The following RARB variants were observed in gnomAD, a reference collection of about 807,000 sequenced individuals.
RARB encodes the protein retinoic acid receptor beta.
A neutral mutation model predicts 51.9 loss-of-function variants in RARB; 17 were observed. That is an observed-to-expected ratio of 0.33 (90% CI 0.22 to 0.49). RARB has a LOEUF of 0.49. Among genes scored for constraint, RARB ranks in the 20% least tolerant of loss-of-function variants. The probability of loss-of-function intolerance (pLI) is 0.99; values close to 1 mark genes in which losing one functional copy is unlikely to be tolerated. For missense variants in RARB, 369 were observed against 550.8 expected, an observed-to-expected ratio of 0.67 and a Z score of 3.30; for synonymous variants, 215 against 195.4, an observed-to-expected ratio of 1.10 and a Z score of -0.84.
At chr3:25,592,341 T>TTGAAAAA (rs1404353012) in intron 5 of RARB, among the ~76,000 whole-genome samples, 1 of 152,216 alleles carries the variant, frequency 6.6e-6, no homozygotes, top group Non-Finnish European at 1.5e-5. Flanking sequence ...CCTCCTGAGT[T>TTGAAAAA]ATTCACTTTT....
chr3:25,209,224 G>C (rs190900567), intron 5 of RARB, among the ~76,000 whole-genome samples: 3 of 152,200 alleles, frequency 2.0e-5, no homozygotes, highest in African/African-American at 7.2e-5. Context: ...ACTGAGTCAG[G>C]TTAGTCATGC....
intron 2 of RARB, among the ~76,000 whole-genome samples, chr3:24,912,988 T>TTTTTTTTTTTTTTC (rs1272985662): frequency 8.0e-6 from 1 of 124,414 alleles, no homozygotes; most frequent in African/African-American, 2.8e-5. Context: ...TTTTTTTTTT[T>TTTTTTTTTTTTTTC]TTTTTTTTTG....
At chr3:25,382,979 C>T (rs988077285) in intron 5 of RARB, among the ~76,000 whole-genome samples, 1 of 152,140 alleles carries the variant, frequency 6.6e-6, no homozygotes, top group African/African-American at 2.4e-5. Context: ...CCCAGAAATC[C>T]TCATGGAAGA....
intron 2 of RARB, among the ~76,000 whole-genome samples, chr3:24,949,419 G>A (rs963403305): frequency 6.6e-6 from 1 of 152,130 alleles, no homozygotes; most frequent in African/African-American, 2.4e-5. Flanking sequence ...AGGGTGCACG[G>A]TAAAATCGAA....
At chr3:25,053,585 T>C (rs965680452) in intron 2 of RARB, among the ~76,000 whole-genome samples, 12 of 152,286 alleles carry the variant, frequency 7.9e-5, no homozygotes, top group African/African-American at 2.9e-4. Context: ...ATCTGTAAGC[T>C]GTGGAGGAAA....
chr3:24,972,480 AT>A (rs570381144), intron 2 of RARB, among the ~76,000 whole-genome samples: 1 of 151,558 alleles, frequency 6.6e-6, no homozygotes, highest in South Asian at 2.1e-4. Context: ...TGCTATATTG[AT>A]TTTTTTTCTT....
chr3:25,235,780 A>G (rs373767689), intron 5 of RARB, among the ~76,000 whole-genome samples: 21 of 152,286 alleles, frequency 1.4e-4, no homozygotes, highest in African/African-American at 5.1e-4. Context: ...CCCTTCTTTG[A>G]CTATTACTCA....
chr3:25,231,774 G>T (rs1702183186), intron 5 of RARB, among the ~76,000 whole-genome samples: 3 of 152,016 alleles, frequency 2.0e-5, no homozygotes, highest in Admixed American at 2.0e-4. Flanking sequence ...CTCCTTTCTT[G>T]TTGAATTTTA....
At chr3:25,201,026 C>T (rs1331988881) in intron 5 of RARB, among the ~76,000 whole-genome samples, 2 of 152,102 alleles carry the variant, frequency 1.3e-5, no homozygotes, top group Non-Finnish European at 2.9e-5. Flanking sequence ...TATAAATTAC[C>T]TTGGGCAGTA....
chr3:25,526,208 C>T (rs186349953), intron 3 of RARB, among the ~76,000 whole-genome samples: 3 of 152,110 alleles, frequency 2.0e-5, no homozygotes, highest in African/African-American at 7.2e-5. Flanking sequence ...AATAAGTCTT[C>T]TGGGAACCCA....
intron 5 of RARB, among the ~76,000 whole-genome samples, chr3:25,281,982 T>A (rs972857778): frequency 4.6e-5 from 7 of 152,186 alleles, no homozygotes; most frequent in Non-Finnish European, 7.3e-5. Context: ...GTACAGAGAT[T>A]AATGAGGCAC....
intron 2 of RARB, among the ~76,000 whole-genome samples, chr3:24,992,045 C>G (rs997741376): frequency 6.6e-6 from 1 of 152,114 alleles, no homozygotes; most frequent in East Asian, 1.9e-4. Context: ...GGGCACTCCC[C>G]ACGTGGGCCC....
At chr3:25,118,436 C>T (rs966614099) in intron 3 of RARB, among the ~76,000 whole-genome samples, 2 of 152,200 alleles carry the variant, frequency 1.3e-5, no homozygotes, top group Non-Finnish European at 2.9e-5. Context: ...TTAAACAGTA[C>T]GTATATACAA....
At chr3:24,873,272 C>A (rs1248970618) in intron 2 of RARB, among the ~76,000 whole-genome samples, 6 of 152,130 alleles carry the variant, frequency 3.9e-5, no homozygotes. Context: ...TGTGAACATA[C>A]TTTTTCTTCC....
chr3:25,130,607 T>C (rs1340578143), intron 3 of RARB, among the ~76,000 whole-genome samples: 2 of 151,924 alleles, frequency 1.3e-5, no homozygotes, highest in Non-Finnish European at 2.9e-5. Context: ...TATTAATCCT[T>C]AGTATATTTG....
At position 25,223,694 on chromosome 3, in the gene RARB, A is replaced by C. The variant is rs1701995528; in HGVS notation, c.178+49119A>C. Among the ~76,000 whole-genome samples the C allele has an allele frequency of 2.6e-5, 4 of 152,310 alleles. No homozygotes were observed. The South Asian group carries it at 8.3e-4, about 32-fold the overall frequency. The stretch of plus-strand genomic sequence containing the variant: ...GTCATATGAAGAGAGCAGTCCCTCA[A>C]AATAAGAGTAAAATATAAAGAGAAA... On this transcript the variant is annotated intron_variant, in intron 5 of 11. Transcript: ENST00000383772.
intron 2 of RARB, among the ~76,000 whole-genome samples, chr3:25,491,443 T>G (rs67982222): frequency 0.049 from 7,525 of 152,192 alleles, 196 homozygotes; most frequent in East Asian, 0.067. Context: ...GTGAACTACT[T>G]AATTCTGTCT....
chr3:25,139,338 C>A (rs750693980), intron 4 of RARB, among the ~76,000 whole-genome samples: 4 of 152,112 alleles, frequency 2.6e-5, no homozygotes, highest in Non-Finnish European at 4.4e-5. Flanking sequence ...AAGAAAAGTT[C>A]TTGAAGGAAA....
intron 5 of RARB, among the ~76,000 whole-genome samples, chr3:25,333,152 T>C (rs1188312331): frequency 6.6e-6 from 1 of 152,166 alleles, no homozygotes; most frequent in Non-Finnish European, 1.5e-5. Context: ...CCAATGACTT[T>C]CTTCACAGAA....
Sources: gnomAD v4.1 joint callset for allele counts (sites outside exome capture counted in the v4.1 genomes callset) on GRCh38, gnomAD v4.1.1 for gene constraint, MANE v1.5 for transcripts, NCBI Gene and HGNC (gene_info 2026-07-23, HGNC 2026-07-21) for gene names.